Variants in WDR7 observed in about 807,000 individuals in gnomAD.
WDR7 encodes WD repeat-containing protein 7.
A neutral mutation model predicts 169.4 loss-of-function variants in WDR7; 46 were observed. The observed-to-expected ratio is 0.27, with a 90% CI of 0.21 to 0.35. The LOEUF (loss-of-function observed/expected upper bound fraction) is 0.35, where lower values mean the gene tolerates loss of function less well. Ranked by LOEUF, WDR7 falls within the 10% of genes least tolerant of loss-of-function variation. The pLI is 1.00. For synonymous variants in WDR7, 612 were observed against 666.8 expected (o/e 0.92, Z 1.27); for missense variants, 1,534 against 1,859.3 (o/e 0.83, Z 3.22).
intron 26 of WDR7, among the ~76,000 whole-genome samples, chr18:56,972,850 T>A (rs1478531845): frequency 3.3e-5 from 5 of 152,052 alleles, no homozygotes; most frequent in African/African-American, 1.2e-4. Flanking sequence ...TTTTTTTTGT[T>A]TTGTTTTGTT....
chr18:56,826,122 T>TA (rs1325017598), intron 20 of WDR7, among the ~76,000 whole-genome samples: 1 of 152,246 alleles, frequency 6.6e-6, no homozygotes, highest in African/African-American at 2.4e-5. Flanking sequence ...AGGATGAACT[T>TA]AAAGTCTGGC....
intron 12 of WDR7, among the ~76,000 whole-genome samples, chr18:56,702,854 T>A (rs1013093669): frequency 6.6e-6 from 1 of 152,196 alleles, no homozygotes; most frequent in African/African-American, 2.4e-5. Flanking sequence ...AGCTATTTAA[T>A]ATTTACTATT....
chr18:56,969,021 A>G (rs925876904), intron 26 of WDR7, among the ~76,000 whole-genome samples: 1 of 152,210 alleles, frequency 6.6e-6, no homozygotes, highest in Non-Finnish European at 1.5e-5. Context: ...GTAAGCAGGT[A>G]AGACAAATCA....
At chr18:56,894,378 G>A (rs2145538948) in intron 21 of WDR7, among the ~76,000 whole-genome samples, 1 of 151,988 alleles carries the variant, frequency 6.6e-6, no homozygotes, top group East Asian at 1.9e-4. Context: ...TTTTCACCTT[G>A]CTTACTCCAG....
At chr18:56,988,590 AGTGTGTGTGTGTGTGT>A (rs71171009) in intron 26 of WDR7, among the ~76,000 whole-genome samples, 1,442 of 142,684 alleles carry the variant, frequency 0.01, 15 homozygotes, top group Non-Finnish European at 0.014. Flanking sequence ...ATGGAAGGCA[AGTGTGTGTGTGTGTGT>A]GTGTGTGTGT....
At chr18:56,911,442 A>G (rs1206999372) in intron 21 of WDR7, among the ~76,000 whole-genome samples, 1 of 152,228 alleles carries the variant, frequency 6.6e-6, no homozygotes, top group African/African-American at 2.4e-5. Context: ...TCAATAAAAT[A>G]AATGTGTAGA....
intron 19 of WDR7, among the ~76,000 whole-genome samples, chr18:56,785,602 C>CTCT (rs1377907393): frequency 6.6e-6 from 1 of 152,112 alleles, no homozygotes; most frequent in Admixed American, 6.5e-5. Flanking sequence ...ACTGTGATAG[C>CTCT]TCTTCATCTT....
chr18:56,862,275 G>C (rs2045816638), intron 20 of WDR7, among the ~76,000 whole-genome samples: 1 of 151,666 alleles, frequency 6.6e-6, no homozygotes, highest in Non-Finnish European at 1.5e-5. Context: ...AATTCATCAA[G>C]TAATGCATTT....
chr18:56,757,237 G>C lies in WDR7; in HGVS notation c.2644G>C (p.Val882Leu), dbSNP rs779798349. ...GGGAGTAGGAAAGGGAACTTACGGA[G>C]TGTCCCGTGCCGTCACCACACAGCA... ...SEGVGKGTYG[V>L]SRAVTTQHLL... The change falls in exon 15 of 28, where the codon GTG (valine) becomes CTG (leucine). Residue 882 changes from valine (V) to leucine (L), a missense_variant. Coordinates refer to ENST00000254442, the MANE Select transcript of WDR7 (RefSeq NM_015285.3). 8 of 1,614,092 alleles carry C rather than the reference G, an allele frequency of 5.0e-6. No individual in the cohort carries two copies. The Admixed American group carries it at 1.3e-4, about 27-fold the overall frequency.
intron 13 of WDR7, among the ~76,000 whole-genome samples, chr18:56,723,522 CTG>C (rs1370430863): frequency 6.6e-6 from 1 of 152,060 alleles, no homozygotes; most frequent in Non-Finnish European, 1.5e-5. Flanking sequence ...CTTTTGCTGT[CTG>C]TACTCCAGCT....
At chr18:56,949,539 T>G (rs1371960622) in intron 25 of WDR7, among the ~76,000 whole-genome samples, 1 of 152,254 alleles carries the variant, frequency 6.6e-6, no homozygotes, top group Non-Finnish European at 1.5e-5. Flanking sequence ...ATGGTCAGAA[T>G]TTAAAAATCT....
At chr18:56,675,533 A>AGATTTGAGTTTGTTTATT (rs2025225782) in intron 2 of WDR7, among the ~76,000 whole-genome samples, 1 of 151,928 alleles carries the variant, frequency 6.6e-6, no homozygotes, top group Non-Finnish European at 1.5e-5. Flanking sequence ...GTATAGAAAT[A>AGATTTGAGTTTGTTTATT]CATTTGAGTT....
At chr18:56,988,914 G>T (rs1013470455) in intron 26 of WDR7, among the ~76,000 whole-genome samples, 2 of 151,934 alleles carry the variant, frequency 1.3e-5, no homozygotes, top group African/African-American at 2.4e-5. Flanking sequence ...CTTGTAAATT[G>T]ATTATATTTC....
At chr18:56,959,069 C>G (rs1204700127) in intron 25 of WDR7, among the ~76,000 whole-genome samples, 1 of 152,064 alleles carries the variant, frequency 6.6e-6, no homozygotes, top group Non-Finnish European at 1.5e-5. Context: ...TTGTGTTAAA[C>G]AAGGTGGCCC....
intron 26 of WDR7, among the ~76,000 whole-genome samples, chr18:56,988,590 AGTGTGTGTGTGTGT>A (rs71171009): frequency 5.3e-4 from 75 of 142,686 alleles, no homozygotes; most frequent in Admixed American, 1.8e-3. Flanking sequence ...ATGGAAGGCA[AGTGTGTGTGTGTGT>A]GTGTGTGTGT....
At chr18:56,970,747 C>T (rs367788515) in intron 26 of WDR7, among the ~76,000 whole-genome samples, 8 of 152,166 alleles carry the variant, frequency 5.3e-5, no homozygotes, top group East Asian at 3.8e-4. Flanking sequence ...TATATAATGA[C>T]GTGTATTCAC....
intron 21 of WDR7, among the ~76,000 whole-genome samples, chr18:56,904,132 C>T (rs1006715025): frequency 1.3e-5 from 2 of 151,254 alleles, no homozygotes; most frequent in South Asian, 2.1e-4. Flanking sequence ...TGCAGTGGCG[C>T]GATCTCAGCT....
chr18:56,972,103 C>T (rs2047497051), intron 26 of WDR7, among the ~76,000 whole-genome samples: 1 of 152,118 alleles, frequency 6.6e-6, no homozygotes, highest in African/African-American at 2.4e-5. Context: ...TGATTTAAAG[C>T]ATTTAATGAA....
At chr18:56,859,430 C>T (rs1251366424) in intron 20 of WDR7, among the ~76,000 whole-genome samples, 2 of 152,132 alleles carry the variant, frequency 1.3e-5, no homozygotes, top group Non-Finnish European at 2.9e-5. Flanking sequence ...TCAACCCGTG[C>T]CTCAGGTTCT....
Sources: gnomAD v4.1 joint callset for allele counts (sites outside exome capture counted in the v4.1 genomes callset) on GRCh38, gnomAD v4.1.1 for gene constraint, MANE v1.5 for transcripts, NCBI Gene and HGNC (gene_info 2026-07-23, HGNC 2026-07-21) for gene names.